Variants in PADI4 observed in about 807,000 individuals in gnomAD.
PADI4 encodes peptidyl arginine deiminase 4.
PADI4 carries 62 observed loss-of-function variants against 75.0 expected under a neutral mutation model. The observed-to-expected ratio is 0.83, with a 90% CI of 0.67 to 1.02. PADI4 has a LOEUF of 1.02. Ranked by LOEUF, PADI4 falls within the 50% of genes least tolerant of loss-of-function variation. The pLI, the probability that PADI4 is intolerant of heterozygous loss-of-function variation, is 0.00. For missense variants in PADI4, 845 were observed against 850.5 expected (o/e 0.99, Z 0.08); for synonymous variants, 361 against 348.1 (o/e 1.04, Z -0.41).
intron 15 of PADI4, among the ~76,000 whole-genome samples, chr1:17,362,090 G>A (rs1024245574): frequency 3.3e-5 from 5 of 152,028 alleles, no homozygotes; most frequent in African/African-American, 9.7e-5. Context: ...CAGAAAGAAC[G>A]AAATCAGCCA....
At chr1:17,342,848 T>C (rs1451632289) in intron 8 of PADI4, among the ~76,000 whole-genome samples, 2 of 152,150 alleles carry the variant, frequency 1.3e-5, no homozygotes, top group South Asian at 2.1e-4. Context: ...TGGTGGCGCA[T>C]GCCTGTAATC....
Position 17,350,610 on chromosome 1 carries a change from A to G in PADI4, c.1155+2562A>G, listed in dbSNP as rs1036876257. ...TCTTGGGGGGCCACTTCTGCAGACTATGGATATGCCTTCATTTGCCTGCAG... is the reference window on the plus strand; with the variant it reads ...TCTTGGGGGGCCACTTCTGCAGACTGTGGATATGCCTTCATTTGCCTGCAG... On this transcript the variant is annotated intron_variant, in intron 10 of 15. Transcript: ENST00000375448. Among the ~76,000 whole-genome samples the G allele has an allele frequency of 1.3e-4, 17 of 130,684 alleles. 4 individuals carry two copies. In the Admixed American group the frequency reaches 1.3e-3, roughly 10 times the overall value. 85.7% of individuals were successfully genotyped at this position (130,684 alleles called of 152,430 possible). A position where few individuals can be genotyped will look rare whatever the true frequency, so the allele number is the denominator to read the frequency against.
chr1:17,341,857 A>G, intron 6 of PADI4, 86 bp from the exon 7 acceptor site: 1 of 1,026,918 alleles, frequency 9.7e-7, no homozygotes, highest in South Asian at 1.5e-5. Context: ...TGACCCTGGG[A>G]AAGGCTTCTG....
intron 1 of PADI4, among the ~76,000 whole-genome samples, chr1:17,312,793 C>T (rs1341700212): frequency 2.7e-5 from 4 of 150,034 alleles, no homozygotes; most frequent in African/African-American, 9.8e-5. Flanking sequence ...AACTGGTTCA[C>T]GGGAAAGATC....
intron 1 of PADI4, among the ~76,000 whole-genome samples, chr1:17,311,465 A>C (rs1195591499): frequency 6.6e-6 from 1 of 151,488 alleles, no homozygotes; most frequent in East Asian, 1.9e-4. Context: ...TGCAAAGGGC[A>C]GTGTGCATTC....
In PADI4 at chr1:17,316,301, G is replaced by C. The variant is rs577425035; in HGVS notation, c.92+7987G>C. 1.1e-3 allele frequency among the ~76,000 whole-genome samples: 166 copies of C among 152,028 alleles called. 1 individual carries two copies. Among genetic ancestry groups the C allele is most frequent in the South Asian group, 2.1e-3 (10 of 4,818 alleles). ...CTCAGCTACTAAGGAGGCTGAGGCG[G>C]GAGAATCATTTGAACCTGTGAGGTG... On this transcript the variant is annotated intron_variant, in intron 1 of 15. Transcript: ENST00000375448.
At chr1:17,351,561 A>G (rs2074622124) in intron 10 of PADI4, among the ~76,000 whole-genome samples, 1 of 149,934 alleles carries the variant, frequency 6.7e-6, no homozygotes, top group Non-Finnish European at 1.5e-5. Context: ...GTGAGCCATG[A>G]TCACACCACT....
At chr1:17,319,353 CCCAGGAGTTCAAGA>C (rs1431041070) in intron 1 of PADI4, among the ~76,000 whole-genome samples, 1 of 151,998 alleles carries the variant, frequency 6.6e-6, no homozygotes, top group Non-Finnish European at 1.5e-5. Flanking sequence ...ATCCCTTGAG[CCCAGGAGTTCAAGA>C]CCAGTCTGGA....
intron 1 of PADI4, among the ~76,000 whole-genome samples, chr1:17,323,126 G>T (rs1318471193): frequency 6.6e-6 from 1 of 152,192 alleles, no homozygotes; most frequent in African/African-American, 2.4e-5. Context: ...CTTGCAGGGT[G>T]TTGGAACCTC....
intron 1 of PADI4, among the ~76,000 whole-genome samples, chr1:17,311,983 C>T (rs1480735962): frequency 6.6e-6 from 1 of 152,168 alleles, no homozygotes; most frequent in Non-Finnish European, 1.5e-5. Context: ...CACAAAGTGT[C>T]TGGCAGAGGG....
rs562941145 is a variant in PADI4 at position 17,335,801 on chromosome 1, G to C, written c.341-358G>C. Among the ~76,000 whole-genome samples, 8 of 152,330 alleles carry C rather than the reference G, an allele frequency of 5.3e-5. No homozygotes were observed. The East Asian group carries it at 1.5e-3, about 29-fold the overall frequency. ...CCAGAGTCTTTCGAGAGGCTGGCAG[G>C]GTGTGCCTGCAGAGGCTTCACATCG... On this transcript the variant is annotated intron_variant, in intron 3 of 15. Coordinates refer to ENST00000375448, the MANE Select transcript of PADI4 (RefSeq NM_012387.3).
At position 17,340,619 on chromosome 1, in the gene PADI4, G is replaced by T. The variant is rs910706766; in HGVS notation, c.652+806G>T. On this transcript the variant is annotated intron_variant, in intron 6 of 15. Coordinates refer to ENST00000375448, the MANE Select transcript of PADI4 (RefSeq NM_012387.3). Reference sequence around the variant, plus strand: ...GGGCGGAATGTGCAAGGGTTAAAGTGGGGGATGAGGGTGGAAGAGACAGGG... The same window carrying T: ...GGGCGGAATGTGCAAGGGTTAAAGTTGGGGATGAGGGTGGAAGAGACAGGG... 2.6e-5 allele frequency among the ~76,000 whole-genome samples: 4 copies of T among 151,940 alleles called. No individual in the cohort carries two copies. The East Asian group carries it at 7.7e-4, about 29-fold the overall frequency.
At chr1:17,351,985 GAGAGGCAGTCAGGGAGGTGA>G (rs1399627022) in intron 10 of PADI4, among the ~76,000 whole-genome samples, 5,714 of 56,274 alleles carry the variant, frequency 0.1, 626 homozygotes, top group Middle Eastern at 0.16. Context: ...GTGATGGGAG[GAGAGGCAGTCAGGGAGGTGA>G]TGGGAGGAGA....
intron 6 of PADI4, among the ~76,000 whole-genome samples, chr1:17,341,316 G>T (rs941930121): frequency 2.6e-5 from 4 of 152,100 alleles, no homozygotes; most frequent in African/African-American, 9.7e-5. Flanking sequence ...GGCCAGGCTG[G>T]TCTGGATCTC....
At chr1:17,358,351 A>G (rs2074796095) in intron 13 of PADI4, among the ~76,000 whole-genome samples, 1 of 13,722 alleles carries the variant, frequency 7.3e-5, no homozygotes, top group Admixed American at 5.0e-4. Flanking sequence ...GCGGATCACG[A>G]GGTCAGGAGA....
chr1:17,331,917 CA>C (rs2074220427), intron 2 of PADI4, among the ~76,000 whole-genome samples: 2 of 151,930 alleles, frequency 1.3e-5, no homozygotes, highest in African/African-American at 4.8e-5. Flanking sequence ...AACTCCGTCT[CA>C]AAAAAACAAA....
rs1434747193 is a variant in PADI4, at chr1:17,352,003, T to A, written c.1156-2530T>A. ...ATGGGAGGAGAGGCAGTCAGGGAGGTGATGGGAGGAGAGGCGGCCAGGGAG... is the reference window on the plus strand; with the variant it reads ...ATGGGAGGAGAGGCAGTCAGGGAGGAGATGGGAGGAGAGGCGGCCAGGGAG... On this transcript the variant is annotated intron_variant, in intron 10 of 15. Transcript: ENST00000375448. Among the ~76,000 whole-genome samples, 116 of 18,326 alleles carry A rather than the reference T, an allele frequency of 6.3e-3. 7 individuals carry two copies. The highest frequency in any genetic ancestry group is 0.026 in the African/African-American group (59 of 2,264). The allele number at this position is 18,326 out of a possible 152,430, so 12.0% of individuals were successfully genotyped here. A position where few individuals can be genotyped will look rare whatever the true frequency, so the allele number is the denominator to read the frequency against.
intron 13 of PADI4, among the ~76,000 whole-genome samples, chr1:17,357,027 G>C (rs192748130): frequency 5.3e-4 from 80 of 152,318 alleles, no homozygotes; most frequent in African/African-American, 1.8e-3. Flanking sequence ...CATCAGGAGA[G>C]GGCTGACCTG....
Position 17,358,915 on chromosome 1 carries a change from GC to G in PADI4, c.1629+9del. On this transcript the variant is annotated splice_region_variant and intron_variant, in intron 14 of 15. Transcript: ENST00000375448. ...ACATAATTCATTTGTGGAGGTAGGAGCCTGGGTGCCTACACCCCAGCAGACC... is the reference window on the plus strand; with the variant it reads ...ACATAATTCATTTGTGGAGGTAGGAGCTGGGTGCCTACACCCCAGCAGACC... 6.3e-7 allele frequency: 1 copy of G among 1,586,128 alleles called. No homozygotes were observed. The highest frequency in any genetic ancestry group is 8.6e-7 in the Non-Finnish European group (1 of 1,158,514).
Sources: gnomAD v4.1 joint callset for allele counts (sites outside exome capture counted in the v4.1 genomes callset) on GRCh38, gnomAD v4.1.1 for gene constraint, MANE v1.5 for transcripts, NCBI Gene and HGNC (gene_info 2026-07-23, HGNC 2026-07-21) for gene names.